Variants in CHODL observed in about 807,000 individuals in gnomAD.
CHODL encodes the protein transmembrane protein MT75.
A neutral mutation model predicts 34.5 loss-of-function variants in CHODL; 29 were observed. That is an observed-to-expected ratio of 0.84 (90% CI 0.63 to 1.15). The LOEUF (loss-of-function observed/expected upper bound fraction) is 1.15, where lower values mean the gene tolerates loss of function less well. Among genes scored for constraint, CHODL ranks in the 50% most tolerant of loss-of-function variants. CHODL has a pLI of 0.00. For missense variants in CHODL, 332 were observed against 332.5 expected (o/e 1.00, Z 0.01); for synonymous variants, 125 against 116.1 (o/e 1.08, Z -0.49).
intron 1 of CHODL, among the ~76,000 whole-genome samples, chr21:17,999,863 T>C (rs1271777677): frequency 1.3e-5 from 2 of 152,206 alleles, no homozygotes; most frequent in Non-Finnish European, 2.9e-5. Context: ...TTGACATGGT[T>C]TGTCAGTCTC....
chr21:18,087,144 C>T (rs914047871), intron 2 of CHODL, among the ~76,000 whole-genome samples: 1 of 151,988 alleles, frequency 6.6e-6, no homozygotes, highest in African/African-American at 2.4e-5. Flanking sequence ...GAACTTGGCC[C>T]ATGTTAAAAT....
At chr21:17,963,511 G>A (rs919992655) in intron 1 of CHODL, among the ~76,000 whole-genome samples, 1 of 152,174 alleles carries the variant, frequency 6.6e-6, no homozygotes, top group African/African-American at 2.4e-5. Flanking sequence ...GATAGCATAT[G>A]CAGGGGAACT....
intron 2 of CHODL, among the ~76,000 whole-genome samples, chr21:18,234,053 G>A (rs1016517263): frequency 5.3e-5 from 8 of 152,056 alleles, no homozygotes; most frequent in African/African-American, 1.4e-4. Context: ...CCATGTCCAA[G>A]GCTTTTTGGT....
At chr21:17,918,925 G>A (rs565989643) in intron 1 of CHODL, among the ~76,000 whole-genome samples, 22 of 152,358 alleles carry the variant, frequency 1.4e-4, no homozygotes, top group East Asian at 9.6e-4. Context: ...TACAGGCCCC[G>A]TGCAAATCAG....
At chr21:18,237,908 C>T (rs1232673354) in intron 2 of CHODL, among the ~76,000 whole-genome samples, 3 of 152,102 alleles carry the variant, frequency 2.0e-5, no homozygotes, top group Non-Finnish European at 2.9e-5. Context: ...GATGGACAAA[C>T]ATTAAATAAA....
chr21:18,035,828 C>G (rs1261516785), intron 2 of CHODL, among the ~76,000 whole-genome samples: 1 of 151,888 alleles, frequency 6.6e-6, no homozygotes, highest in African/African-American at 2.4e-5. Context: ...AATGCTCAAT[C>G]TTTTCTTTAT....
chr21:18,163,487 A>G (rs1028456086), intron 2 of CHODL, among the ~76,000 whole-genome samples: 1 of 152,140 alleles, frequency 6.6e-6, no homozygotes, highest in Non-Finnish European at 1.5e-5. Flanking sequence ...CATATTTGAC[A>G]GGGAAGCTCT....
intron 2 of CHODL, among the ~76,000 whole-genome samples, chr21:18,108,639 T>C (rs2065305225): frequency 1.3e-5 from 2 of 152,088 alleles, no homozygotes; most frequent in African/African-American, 4.8e-5. Flanking sequence ...CCTTGTCAAG[T>C]GGTATACATA....
At chr21:18,225,021 T>G (rs1390911451) in intron 2 of CHODL, among the ~76,000 whole-genome samples, 2 of 152,134 alleles carry the variant, frequency 1.3e-5, no homozygotes, top group Non-Finnish European at 2.9e-5. Context: ...AGGTGATTTT[T>G]CAATAGGTGT....
At chr21:17,963,644 T>C (rs765738696) in intron 1 of CHODL, among the ~76,000 whole-genome samples, 12 of 152,210 alleles carry the variant, frequency 7.9e-5, no homozygotes, top group Non-Finnish European at 1.5e-4. Context: ...GTAGGGATTA[T>C]AGGAACTACA....
intron 2 of CHODL, among the ~76,000 whole-genome samples, chr21:18,077,134 C>T (rs2064876405): frequency 6.6e-6 from 1 of 152,140 alleles, no homozygotes; most frequent in Admixed American, 6.5e-5. Flanking sequence ...TCAAAGAATA[C>T]CTTCAAACCC....
At chr21:18,207,024 A>G (rs905320473) in intron 2 of CHODL, among the ~76,000 whole-genome samples, 2 of 151,920 alleles carry the variant, frequency 1.3e-5, no homozygotes, top group South Asian at 2.1e-4. Context: ...TCCTAACACT[A>G]TCCCTCCTCC....
At chr21:18,166,994 G>A in intron 2 of CHODL, among the ~76,000 whole-genome samples, 1 of 152,100 alleles carries the variant, frequency 6.6e-6, no homozygotes, top group East Asian at 1.9e-4. Context: ...TGTAGGAATG[G>A]AAGTAGATTT....
chr21:17,932,895 T>G (rs1009115130), intron 1 of CHODL, among the ~76,000 whole-genome samples: 8 of 152,078 alleles, frequency 5.3e-5, no homozygotes, highest in Admixed American at 1.3e-4. Flanking sequence ...TAGTATTTAT[T>G]GATCATTCTT....
intron 1 of CHODL, among the ~76,000 whole-genome samples, chr21:17,995,254 G>A (rs1248997036): frequency 6.6e-6 from 1 of 152,170 alleles, no homozygotes; most frequent in Non-Finnish European, 1.5e-5. Context: ...CTGGAAAAAT[G>A]TCTTCTCATG....
At chr21:18,259,547 A>C (rs770146050) in intron 3 of CHODL, among the ~76,000 whole-genome samples, 5 of 152,232 alleles carry the variant, frequency 3.3e-5, no homozygotes, top group Non-Finnish European at 5.9e-5. Flanking sequence ...ATAAAAAATA[A>C]AGTGTGTGGA....
At chr21:18,235,518 C>T (rs2074021112) in intron 2 of CHODL, among the ~76,000 whole-genome samples, 1 of 152,050 alleles carries the variant, frequency 6.6e-6, no homozygotes, top group Non-Finnish European at 1.5e-5. Flanking sequence ...ACAGGCATAT[C>T]TTCAGTGAAG....
intron 2 of CHODL, among the ~76,000 whole-genome samples, chr21:18,075,465 C>G (rs578240898): frequency 6.6e-6 from 1 of 152,156 alleles, no homozygotes; most frequent in African/African-American, 2.4e-5. Context: ...GTCAGACACT[C>G]TTGGATTGAC....
At chr21:18,228,092 TTGACATTA>T (rs2073947399) in intron 2 of CHODL, among the ~76,000 whole-genome samples, 1 of 152,180 alleles carries the variant, frequency 6.6e-6, no homozygotes, top group Non-Finnish European at 1.5e-5. Flanking sequence ...TTAAAAACTA[TTGACATTA>T]ATCTAAGATT....
Sources: allele counts gnomAD v4.1 joint callset (sites outside exome capture counted in the v4.1 genomes callset), GRCh38; gene constraint gnomAD v4.1.1; transcripts MANE v1.5; gene names NCBI Gene and HGNC (gene_info 2026-07-23, HGNC 2026-07-21).